PRIM2: variants seen among roughly 807,000 people sequenced by gnomAD.
PRIM2 encodes the protein DNA primase large subunit.
PRIM2 carries 39 observed loss-of-function variants against 67.3 expected under a neutral mutation model. The observed-to-expected ratio is 0.58, with a 90% CI of 0.45 to 0.76. PRIM2 has a LOEUF of 0.76. PRIM2 is among the 30% of genes least tolerant of loss of function. PRIM2 has a pLI of 0.00. For missense variants in PRIM2, 398 were observed against 598.7 expected, an observed-to-expected ratio of 0.66 and a Z score of 3.50; for synonymous variants, 143 against 198.7, an observed-to-expected ratio of 0.72 and a Z score of 2.36.
chr6:57,476,879 G>GT (rs1404409751), intron 7 of PRIM2, among the ~76,000 whole-genome samples: 160 of 152,108 alleles, frequency 1.1e-3, no homozygotes, highest in Non-Finnish European at 1.3e-3. Context: ...TCCCAAGTAG[G>GT]TGGGATTACA....
intron 5 of PRIM2, among the ~76,000 whole-genome samples, chr6:57,340,807 G>A (rs1768454510): frequency 6.6e-6 from 1 of 152,086 alleles, no homozygotes; most frequent in African/African-American, 2.4e-5. Flanking sequence ...GTATACATAT[G>A]TAACAAACCT....
chr6:57,353,576 A>C (rs1246348585), intron 5 of PRIM2, among the ~76,000 whole-genome samples: 1 of 152,224 alleles, frequency 6.6e-6, no homozygotes, highest in African/African-American at 2.4e-5. Context: ...ACACATACAT[A>C]AAGAAGATCT....
chr6:57,575,624 G>A (rs1775949154), intron 10 of PRIM2, among the ~76,000 whole-genome samples: 1 of 152,216 alleles, frequency 6.6e-6, no homozygotes, highest in South Asian at 2.1e-4. Flanking sequence ...TAATTACCAA[G>A]TGGTTGGAAA....
At chr6:57,411,343 C>T (rs1384787708) in intron 7 of PRIM2, among the ~76,000 whole-genome samples, 9 of 152,162 alleles carry the variant, frequency 5.9e-5, no homozygotes, top group African/African-American at 1.2e-4. Flanking sequence ...ATAATCCTCG[C>T]ACTTTGGGAG....
chr6:57,224,473 A>G, the PRIM2 span, among the ~76,000 whole-genome samples: 1 of 152,250 alleles, frequency 6.6e-6, no homozygotes, highest in South Asian at 2.1e-4. Flanking sequence ...TTTTATGTCT[A>G]CAGTTCTAGC....
chr6:57,280,759 G>A, the PRIM2 span, among the ~76,000 whole-genome samples: 4 of 151,792 alleles, frequency 2.6e-5, no homozygotes, highest in Non-Finnish European at 4.4e-5. Context: ...TGCCTGCCTC[G>A]GCCTCCCAAA....
chr6:57,439,478 C>T (rs1008770647), intron 7 of PRIM2, among the ~76,000 whole-genome samples: 3 of 131,526 alleles, frequency 2.3e-5, no homozygotes, highest in Admixed American at 1.8e-4. Context: ...TGTAGTGGCA[C>T]CATCACGGCT....
intron 10 of PRIM2, among the ~76,000 whole-genome samples, chr6:57,545,600 T>G (rs1775273065): frequency 1.3e-5 from 2 of 151,918 alleles, no homozygotes; most frequent in Non-Finnish European, 2.9e-5. Flanking sequence ...CCGGCTAATT[T>G]TTTTTGTATT....
the PRIM2 span, among the ~76,000 whole-genome samples, chr6:57,279,836 G>C: frequency 1.3e-5 from 2 of 152,196 alleles, no homozygotes; most frequent in African/African-American, 2.4e-5. Context: ...ATGGGGTAGA[G>C]AGGAGGCAGG....
chr6:57,337,472 T>G (rs1410704658), intron 5 of PRIM2, among the ~76,000 whole-genome samples: 1 of 151,384 alleles, frequency 6.6e-6, no homozygotes, highest in Non-Finnish European at 1.5e-5. Context: ...AAAGCTCTCC[T>G]CAGCAAATGT....
the PRIM2 span, among the ~76,000 whole-genome samples, chr6:57,301,237 C>T: frequency 6.6e-6 from 1 of 152,160 alleles, no homozygotes; most frequent in South Asian, 2.1e-4. Flanking sequence ...CCTGTTATCC[C>T]AGGACTTTGG....
At chr6:57,315,343 T>C (rs1767459424), upstream of PRIM2, among the ~76,000 whole-genome samples, 1 of 148,600 alleles carries the variant, frequency 6.7e-6, no homozygotes, top group Non-Finnish European at 1.5e-5. Context: ...TTCATAGACC[T>C]AATTAACATC....
At chr6:57,479,986 G>T (rs1773575996) in intron 7 of PRIM2, among the ~76,000 whole-genome samples, 1 of 152,228 alleles carries the variant, frequency 6.6e-6, no homozygotes, top group African/African-American at 2.4e-5. Flanking sequence ...ACCAAAGAAG[G>T]CAATTTGAAA....
chr6:57,456,892 C>T (rs537306523), intron 7 of PRIM2, among the ~76,000 whole-genome samples: 1 of 152,148 alleles, frequency 6.6e-6, no homozygotes, highest in East Asian at 1.9e-4. Flanking sequence ...AGTTTTTCTG[C>T]TCTGTTTTTT....
At chr6:57,570,309 T>G (rs1227739019) in intron 10 of PRIM2, among the ~76,000 whole-genome samples, 80 of 152,352 alleles carry the variant, frequency 5.3e-4, no homozygotes, top group African/African-American at 1.9e-3. Flanking sequence ...TTGTTTCGTC[T>G]TTTTGGTTTG....
intron 11 of PRIM2, among the ~76,000 whole-genome samples, chr6:57,606,144 A>AT (rs1179224405): frequency 2.0e-5 from 3 of 152,238 alleles, no homozygotes; most frequent in African/African-American, 7.2e-5. Context: ...TAGCCTGAGA[A>AT]TGCTGCAATG....
intron 7 of PRIM2, among the ~76,000 whole-genome samples, chr6:57,492,552 A>AAG (rs1773921799): frequency 6.7e-6 from 1 of 150,004 alleles, no homozygotes; most frequent in African/African-American, 2.5e-5. Context: ...TAAAAAAAAA[A>AAG]AATAAATAAA....
At chr6:57,458,746 G>C (rs1772897921) in intron 7 of PRIM2, among the ~76,000 whole-genome samples, 1 of 152,152 alleles carries the variant, frequency 6.6e-6, no homozygotes, top group African/African-American at 2.4e-5. Context: ...GAAAACACTA[G>C]TGACTCTTAC....
At chr6:57,377,788 A>G (rs1769817761) in intron 5 of PRIM2, among the ~76,000 whole-genome samples, 1 of 151,548 alleles carries the variant, frequency 6.6e-6, no homozygotes, top group South Asian at 2.1e-4. Flanking sequence ...CTGAAATGTC[A>G]TTTCTTACAT....
Sources: gnomAD v4.1 joint callset for allele counts (sites outside exome capture counted in the v4.1 genomes callset) on GRCh38, gnomAD v4.1.1 for gene constraint, MANE v1.5 for transcripts, NCBI Gene and HGNC (gene_info 2026-07-23, HGNC 2026-07-21) for gene names.